Variants in FECH observed in about 807,000 individuals in gnomAD.
FECH encodes ferrochelatase, mitochondrial.
A neutral mutation model predicts 56.9 loss-of-function variants in FECH; 40 were observed. That is an observed-to-expected ratio of 0.70 (90% confidence interval 0.55 to 0.92). The LOEUF is 0.92. Among genes scored for constraint, FECH ranks in the 40% least tolerant of loss-of-function variants. The pLI, the probability that FECH is intolerant of heterozygous loss-of-function variation, is 0.00. For missense variants in FECH, 431 were observed against 529.1 expected (o/e 0.81, Z 1.82); for synonymous variants, 175 against 198.6 (o/e 0.88, Z 1.00).
intron 9 of FECH, among the ~76,000 whole-genome samples, chr18:57,553,096 A>T (rs1487483002): frequency 1.3e-5 from 2 of 152,160 alleles, no homozygotes; most frequent in African/African-American, 4.8e-5. Flanking sequence ...AATTTAAAAT[A>T]AAAAAATTGA....
At chr18:57,552,777 T>C (rs1335504329) in intron 9 of FECH, among the ~76,000 whole-genome samples, 1 of 152,186 alleles carries the variant, frequency 6.6e-6, no homozygotes, top group Non-Finnish European at 1.5e-5. Flanking sequence ...AGCAAACACA[T>C]GGATCTCAAC....
In FECH at chr18:57,570,025, TTGTTGTCGTG is replaced by T. The variant is rs1477019778; in HGVS notation, c.463+1357_463+1366del. Among the ~76,000 whole-genome samples, 729 of 113,450 alleles carry T rather than the reference TTGTTGTCGTG, an allele frequency of 6.4e-3. 3 individuals are homozygous for T. The highest frequency in any genetic ancestry group is 0.01 in the Non-Finnish European group (543 of 52,158). 74.4% of individuals were successfully genotyped at this position (113,450 alleles called of 152,430 possible). On this transcript the variant is annotated intron_variant, in intron 4 of 10. Coordinates refer to ENST00000262093, the MANE Select transcript of FECH (RefSeq NM_000140.5). Reference sequence around the variant, plus strand: ...GTTGTTGTTGCTGTTGTTGTTGTTGTTGTTGTCGTGTGTGTGTGTGTGTGTGTGTGTGTGT... The same window carrying T: ...GTTGTTGTTGCTGTTGTTGTTGTTGTTGTGTGTGTGTGTGTGTGTGTGTGT...
At chr18:57,575,125 G>C (rs1205384347) in intron 2 of FECH, among the ~76,000 whole-genome samples, 1 of 152,034 alleles carries the variant, frequency 6.6e-6, no homozygotes, top group Non-Finnish European at 1.5e-5. Flanking sequence ...GATTGTGTCT[G>C]GTTTTACTCA....
At chr18:57,555,275 CAG>C (rs2050854167) in intron 7 of FECH, among the ~76,000 whole-genome samples, 1 of 152,170 alleles carries the variant, frequency 6.6e-6, no homozygotes, top group Non-Finnish European at 1.5e-5. Flanking sequence ...GAAGAAGACA[CAG>C]AAAAGCTGGG....
chr18:57,562,737 C>T (rs1568146826), intron 6 of FECH, 137 bp downstream of exon 6: 2 of 688,980 alleles, frequency 2.9e-6, no homozygotes. Flanking sequence ...GAATATAATA[C>T]TTTTATTTAA....
Position 57,586,701 on chromosome 18 carries a change from G to C in FECH, c.-81C>G, listed in dbSNP as rs772677178. The C allele has an allele frequency of 6.2e-5, 81 of 1,312,896 alleles. No individual in the cohort carries two copies. Among genetic ancestry groups the C allele is most frequent in the Non-Finnish European group, 7.6e-5 (75 of 989,718 alleles). The allele number at this position is 1,312,896 out of a possible 1,614,324, so 81.3% of individuals were successfully genotyped here. On this transcript the variant is annotated 5_prime_UTR_variant, in exon 1 of 11. Transcript: ENST00000262093. ...GTCCGCCCAGCAGTGGCCGAGCCGG[G>C]TAGCGATCCCCACGCGCGTCCCCAG...
chr18:57,552,310 C>A (rs1353849134), intron 9 of FECH, among the ~76,000 whole-genome samples: 1 of 152,090 alleles, frequency 6.6e-6, no homozygotes, highest in Non-Finnish European at 1.5e-5. Flanking sequence ...TTATGATTTA[C>A]TCAGGTAGTT....
chr18:57,565,202 T>TTC (rs1463615996), intron 5 of FECH, among the ~76,000 whole-genome samples: 1 of 152,230 alleles, frequency 6.6e-6, no homozygotes, highest in East Asian at 1.9e-4. Flanking sequence ...TGAGGTATAT[T>TTC]TCTTAAAACA....
intron 2 of FECH, among the ~76,000 whole-genome samples, chr18:57,577,856 A>G (rs1427393438): frequency 6.6e-5 from 10 of 152,060 alleles, no homozygotes. Flanking sequence ...AGAGTTCAAG[A>G]CAAGCCTGAG....
At chr18:57,553,902 A>C (rs1276728530) in intron 9 of FECH, among the ~76,000 whole-genome samples, 1 of 152,264 alleles carries the variant, frequency 6.6e-6, no homozygotes, top group Non-Finnish European at 1.5e-5. Flanking sequence ...GAAATTATAA[A>C]ACAATAAAAT....
intron 8 of FECH, 34 bp downstream of exon 8, chr18:57,554,811 G>A (rs2050847180): frequency 6.5e-7 from 1 of 1,543,180 alleles, no homozygotes; most frequent in African/African-American, 1.4e-5. Context: ...TTACCAATAA[G>A]AGCTGGCCGC....
intron 7 of FECH, among the ~76,000 whole-genome samples, chr18:57,555,207 T>C (rs944446619): frequency 1.3e-5 from 2 of 152,194 alleles, no homozygotes; most frequent in Admixed American, 6.5e-5. Flanking sequence ...ACGTTATTCA[T>C]GGGGGACTCA....
chr18:57,561,044 G>A (rs564599539), intron 6 of FECH, among the ~76,000 whole-genome samples: 1 of 152,130 alleles, frequency 6.6e-6, no homozygotes, highest in African/African-American at 2.4e-5. Context: ...ATATTTTCTG[G>A]TCTTTGCAGT....
chr18:57,573,442 C>A (rs1235623937), intron 2 of FECH, 77 bp from the exon 3 acceptor site: 1 of 1,535,226 alleles, frequency 6.5e-7, no homozygotes. Context: ...GTTCAGCCAG[C>A]AAACTCTAAT....
chr18:57,570,032 C>CGT (rs10608112), intron 4 of FECH, among the ~76,000 whole-genome samples: 9,540 of 122,550 alleles, frequency 0.078, 356 homozygotes, highest in Middle Eastern at 0.11. Flanking sequence ...TTGTTGTTGT[C>CGT]GTGTGTGTGT....
At chr18:57,561,645 C>T (rs1269848839) in intron 6 of FECH, among the ~76,000 whole-genome samples, 1 of 152,180 alleles carries the variant, frequency 6.6e-6, no homozygotes, top group Non-Finnish European at 1.5e-5. Flanking sequence ...ACCTTTCCAT[C>T]GTTTTGCTTC....
rs2050786773 is a variant in FECH at position 57,550,749 on chromosome 18, C to T, written c.1235G>A (p.Arg412Lys). The change falls in exon 11 of 11, where the codon AGG (arginine) becomes AAG (lysine). Residue 412 changes from arginine to lysine, a missense_variant. Transcript: ENST00000262093. Reference protein sequence around the residue: ...SCPLCVNPVCRETKSFFTSQQ... With the variant: ...SCPLCVNPVCKETKSFFTSQQ... ...GCTGGTGAAGAAGGATTTAGTCTCC[C>T]TGCAGACAGGATTGACACAGAGCGG... 2 of 1,614,046 alleles carry T rather than the reference C, an allele frequency of 1.2e-6. No homozygotes were observed. Among genetic ancestry groups the T allele is most frequent in the Non-Finnish European group, 1.7e-6 (2 of 1,180,018 alleles).
intron 1 of FECH, among the ~76,000 whole-genome samples, chr18:57,584,974 G>A (rs1026592371): frequency 2.0e-5 from 3 of 149,134 alleles, no homozygotes; most frequent in Non-Finnish European, 3.0e-5. Context: ...TGGCACCACC[G>A]TACACCAGCC....
At chr18:57,579,019 G>T (rs1271992696) in intron 2 of FECH, among the ~76,000 whole-genome samples, 1 of 151,730 alleles carries the variant, frequency 6.6e-6, no homozygotes, top group Non-Finnish European at 1.5e-5. Context: ...AGGCCAAGGC[G>T]GGCGGATCAC....
Sources: allele counts gnomAD v4.1 joint callset (sites outside exome capture counted in the v4.1 genomes callset), GRCh38; gene constraint gnomAD v4.1.1; transcripts MANE v1.5; gene names NCBI Gene and HGNC (gene_info 2026-07-23, HGNC 2026-07-21).